SCML4: variants seen among roughly 807,000 people sequenced by gnomAD.
The protein encoded by SCML4 is Scm polycomb group protein like 4.
SCML4 carries 34 observed loss-of-function variants against 41.1 expected under a neutral mutation model. That is an observed-to-expected ratio of 0.83 (90% CI 0.63 to 1.10). The LOEUF is 1.10. Ranked by LOEUF, SCML4 falls within the 50% of genes least tolerant of loss-of-function variation. The probability of loss-of-function intolerance (pLI) is 0.00; values close to 1 mark genes in which losing one functional copy is unlikely to be tolerated. For synonymous variants in SCML4, 214 were observed against 220.9 expected (o/e 0.97, Z 0.28); for missense variants, 522 against 534.1 (o/e 0.98, Z 0.22).
At chr6:107,745,171 G>C in intron 4 of SCML4, 28 bp from the exon 5 acceptor site, 2 of 1,511,826 alleles carry the variant, frequency 1.3e-6, no homozygotes, top group African/African-American at 1.4e-5. Flanking sequence ...TGTCAGCTTA[G>C]AGCCGGGCAC....
intron 5 of SCML4, among the ~76,000 whole-genome samples, chr6:107,743,495 A>G (rs1436627670): frequency 6.6e-6 from 1 of 152,252 alleles, no homozygotes; most frequent in Admixed American, 6.5e-5. Flanking sequence ...TCACTAGAAG[A>G]TAAATAGTTT....
chr6:107,707,756 G>C (rs1442588418), intron 7 of SCML4, 110 bp downstream of exon 7: 7 of 1,392,610 alleles, frequency 5.0e-6, no homozygotes, highest in Non-Finnish European at 5.9e-6. Context: ...TTAGTTTAGA[G>C]CACCCCTCCA....
chr6:107,838,910 G>A, the SCML4 span, among the ~76,000 whole-genome samples: 1 of 152,070 alleles, frequency 6.6e-6, no homozygotes, highest in Non-Finnish European at 1.5e-5. Flanking sequence ...GCATTCAAGA[G>A]TTAAGCCCTC....
At chr6:107,708,525 C>T (rs188391164) in intron 6 of SCML4, among the ~76,000 whole-genome samples, 1 of 152,148 alleles carries the variant, frequency 6.6e-6, no homozygotes, top group Admixed American at 6.5e-5. Flanking sequence ...GGTGGCTTTT[C>T]GTTCTTCTCC....
intron 2 of SCML4, among the ~76,000 whole-genome samples, chr6:107,766,999 G>A (rs1780109353): frequency 6.7e-6 from 1 of 149,030 alleles, no homozygotes; most frequent in African/African-American, 2.5e-5. Context: ...TCACTAGGCT[G>A]GAGCGCAGTG....
intron 1 of SCML4, among the ~76,000 whole-genome samples, chr6:107,785,752 A>G (rs924627266): frequency 6.6e-6 from 1 of 152,218 alleles, no homozygotes; most frequent in Non-Finnish European, 1.5e-5. Flanking sequence ...TGTACATGAT[A>G]TGGCAGGAGG....
At chr6:107,767,505 T>C (rs1668665693) in intron 2 of SCML4, among the ~76,000 whole-genome samples, 1 of 152,156 alleles carries the variant, frequency 6.6e-6, no homozygotes, top group African/African-American at 2.4e-5. Flanking sequence ...AGAACACCTA[T>C]TTTTTCAGAA....
chr6:107,820,603 G>A (rs535185296), intron 1 of SCML4, among the ~76,000 whole-genome samples: 1 of 152,280 alleles, frequency 6.6e-6, no homozygotes, highest in Non-Finnish European at 1.5e-5. Flanking sequence ...GACAAACCAC[G>A]GGTGAGAGTT....
At position 107,805,684 on chromosome 6, in the gene SCML4, A is replaced by G. The variant is rs561030064; in HGVS notation, c.-60+18442T>C. Among the ~76,000 whole-genome samples, 5 of 152,360 alleles carry G rather than the reference A, an allele frequency of 3.3e-5. No homozygotes were observed. The South Asian group carries it at 1.0e-3, about 32-fold the overall frequency. On this transcript the variant is annotated intron_variant, in intron 1 of 7. Transcript: ENST00000369020. ...AACTTGACTCTGTGTTTTTAGAACT[A>G]TAAATTTTCCAACTTAGCTCAGCGA...
chr6:107,722,449 T>A (rs539646507), intron 5 of SCML4, among the ~76,000 whole-genome samples: 371 of 152,242 alleles, frequency 2.4e-3, no homozygotes, highest in Middle Eastern at 0.017. Flanking sequence ...GACAAGATCA[T>A]GTCTACCTGT....
chr6:107,804,510 A>G (rs1783571176), intron 1 of SCML4, among the ~76,000 whole-genome samples: 1 of 152,198 alleles, frequency 6.6e-6, no homozygotes, highest in African/African-American at 2.4e-5. Flanking sequence ...TGCAATTTGC[A>G]TTCCAAGTAT....
intron 6 of SCML4, among the ~76,000 whole-genome samples, chr6:107,713,523 C>G (rs1054749906): frequency 7.9e-5 from 12 of 152,238 alleles, no homozygotes; most frequent in Admixed American, 5.9e-4. Flanking sequence ...CTTCCCGTCC[C>G]TCCTGGGCTC....
At chr6:107,731,258 T>C (rs1207321574) in intron 5 of SCML4, among the ~76,000 whole-genome samples, 1 of 152,224 alleles carries the variant, frequency 6.6e-6, no homozygotes, top group Non-Finnish European at 1.5e-5. Context: ...ACACAAGGCT[T>C]AACTGCTTAC....
chr6:107,832,241 A>G, the SCML4 span, among the ~76,000 whole-genome samples: 37,017 of 149,540 alleles, frequency 0.25, 4,701 homozygotes, highest in African/African-American at 0.31. Flanking sequence ...TCTGTCTCAA[A>G]CAATAAAAAT....
At chr6:107,769,484 G>A (rs1780342866) in intron 2 of SCML4, among the ~76,000 whole-genome samples, 1 of 152,216 alleles carries the variant, frequency 6.6e-6, no homozygotes, top group Non-Finnish European at 1.5e-5. Context: ...GTGATTGACA[G>A]AGCAGCTGGG....
chr6:107,772,772 C>T (rs549676894), intron 1 of SCML4, among the ~76,000 whole-genome samples: 13 of 152,252 alleles, frequency 8.5e-5, no homozygotes, highest in African/African-American at 2.9e-4. Flanking sequence ...ATAAACAAAG[C>T]CACTCTCTCA....
intron 2 of SCML4, among the ~76,000 whole-genome samples, chr6:107,752,090 G>C (rs1489951414): frequency 6.6e-6 from 1 of 152,126 alleles, no homozygotes; most frequent in Non-Finnish European, 1.5e-5. Flanking sequence ...ATGTTTTGAA[G>C]GTGGAACCAA....
chr6:107,730,796 G>A (rs1776460649), intron 5 of SCML4, among the ~76,000 whole-genome samples: 1 of 152,150 alleles, frequency 6.6e-6, no homozygotes. Flanking sequence ...CTGCCTATTA[G>A]TGAGGCCAAA....
intron 2 of SCML4, among the ~76,000 whole-genome samples, chr6:107,758,643 T>C (rs1779299963): frequency 6.6e-6 from 1 of 151,920 alleles, no homozygotes; most frequent in Non-Finnish European, 1.5e-5. Context: ...CAGACACCTG[T>C]TTAGAGAGAA....
Sources: gnomAD v4.1 joint callset for allele counts (sites outside exome capture counted in the v4.1 genomes callset) on GRCh38, gnomAD v4.1.1 for gene constraint, MANE v1.5 for transcripts, NCBI Gene and HGNC (gene_info 2026-07-23, HGNC 2026-07-21) for gene names.